The following PCBP3 variants were observed in gnomAD, a reference collection of about 807,000 sequenced individuals.
PCBP3 encodes poly(rC)-binding protein 3.
Under a neutral mutation model 52.7 loss-of-function variants are expected in PCBP3, and 25 were observed. The observed-to-expected ratio is 0.47, with a 90% CI of 0.35 to 0.66. The LOEUF (loss-of-function observed/expected upper bound fraction) is 0.66. PCBP3 is among the 30% of genes least tolerant of loss of function. The pLI, the probability that PCBP3 is intolerant of heterozygous loss-of-function variation, is 0.01. For synonymous variants in PCBP3, 162 were observed against 183.0 expected (o/e 0.89, Z 0.93); for missense variants, 391 against 490.3 (o/e 0.80, Z 1.91).
intron 1 of PCBP3, among the ~76,000 whole-genome samples, chr21:45,650,916 G>A (rs191147673): frequency 6.6e-6 from 1 of 152,272 alleles, no homozygotes; most frequent in Non-Finnish European, 1.5e-5. Flanking sequence ...AATTTCAGAT[G>A]GGGCGGGGTG....
intron 13 of PCBP3, among the ~76,000 whole-genome samples, chr21:45,920,443 T>G (rs1338210801): frequency 6.6e-6 from 1 of 152,228 alleles, no homozygotes; most frequent in African/African-American, 2.4e-5. Flanking sequence ...TTGTGCAGAT[T>G]GTTTCAAATT....
intron 4 of PCBP3, among the ~76,000 whole-genome samples, chr21:45,797,705 C>CGT (rs2092023553): frequency 6.3e-3 from 9 of 1,420 alleles, no homozygotes; most frequent in Admixed American, 0.015. Flanking sequence ...TGCATGGATC[C>CGT]ACAGAGAGTG....
In PCBP3 at chr21:45,837,544, T is replaced by C. The variant is rs961760133; in HGVS notation, c.-125-12417T>C. On this transcript the variant is annotated intron_variant, in intron 4 of 17. Transcript: ENST00000681687. This position sits in a 1 kb window ranked among gnomAD's most constrained non-coding sequence, Gnocchi z 4.1. ...GGCGGTTTCATGTCGAAGGCCTACC[T>C]GTAGCCCTGGGTTGTCTGCCTCTTG... Among the ~76,000 whole-genome samples the C allele has an allele frequency of 1.1e-4, 17 of 152,284 alleles. No individual in the cohort carries two copies. The highest frequency in any genetic ancestry group is 3.8e-4 in the African/African-American group (16 of 41,576).
intron 1 of PCBP3, among the ~76,000 whole-genome samples, chr21:45,663,608 A>G: frequency 6.6e-6 from 1 of 152,132 alleles, no homozygotes; most frequent in East Asian, 1.9e-4. Flanking sequence ...ATGGCTATCC[A>G]GTTTTCCTAG....
At chr21:45,935,395 CCA>C (rs750054115) in intron 16 of PCBP3, 90 bp downstream of exon 16, 2 of 919,794 alleles carry the variant, frequency 2.2e-6, no homozygotes, top group Admixed American at 3.9e-5. Flanking sequence ...GCAGAGGGAC[CCA>C]CTGCTTGGTA....
chr21:45,861,350 T>C (rs1173752516), intron 5 of PCBP3, among the ~76,000 whole-genome samples: 1 of 152,140 alleles, frequency 6.6e-6, no homozygotes, highest in Non-Finnish European at 1.5e-5. Flanking sequence ...AGGCTGTTTG[T>C]GAACACCACA....
At chr21:45,811,056 G>A (rs1293354715) in intron 4 of PCBP3, among the ~76,000 whole-genome samples, 2 of 151,896 alleles carry the variant, frequency 1.3e-5, no homozygotes, top group South Asian at 2.1e-4. Flanking sequence ...CTTGGTCTAG[G>A]TGTTTTTCCA....
intron 4 of PCBP3, among the ~76,000 whole-genome samples, chr21:45,847,728 C>CT (rs2093846110): frequency 2.0e-5 from 3 of 152,190 alleles, no homozygotes; most frequent in Admixed American, 6.5e-5. Flanking sequence ...ATAAGCTGGT[C>CT]TTTTTGCCTG....
chr21:45,783,704 C>T (rs1888537), intron 4 of PCBP3, among the ~76,000 whole-genome samples: 73,187 of 152,050 alleles, frequency 0.48, 18,405 homozygotes, highest in African/African-American at 0.61. Flanking sequence ...GGAAAGATGG[C>T]CCTGTGCTCT....
rs186765091 is a variant in PCBP3 at position 45,939,927 on chromosome 21, A to G, written c.910-103A>G. The G allele has an allele frequency of 3.9e-4, 416 of 1,058,854 alleles. 3 individuals are homozygous for G. The African/African-American group carries it at 5.8e-3, about 15-fold the overall frequency. 65.6% of individuals were successfully genotyped at this position (1,058,854 alleles called of 1,614,324 possible). A position where few individuals can be genotyped will look rare whatever the true frequency, so the allele number is the denominator to read the frequency against. On this transcript the variant is annotated intron_variant, in intron 16 of 17. Coordinates refer to ENST00000681687, the MANE Select transcript of PCBP3 (RefSeq NM_001384156.1). Reference sequence around the variant, plus strand: ...AGCTCAGGTCTTGGGGCAGAGTCCAAGGCTGGCGGCCCGTCCCACCGGCCC... The same window carrying G: ...AGCTCAGGTCTTGGGGCAGAGTCCAGGGCTGGCGGCCCGTCCCACCGGCCC...
intron 13 of PCBP3, among the ~76,000 whole-genome samples, chr21:45,929,583 C>G (rs1046176723): frequency 1.7e-4 from 26 of 152,364 alleles, no homozygotes; most frequent in African/African-American, 6.0e-4. Context: ...TGGACTCCCC[C>G]AGACTCTCCA....
chr21:45,758,937 T>C (rs889268756), intron 4 of PCBP3, among the ~76,000 whole-genome samples: 34 of 152,370 alleles, frequency 2.2e-4, no homozygotes, highest in African/African-American at 7.9e-4. Context: ...ACATATTTTA[T>C]CTACATCAAT....
intron 15 of PCBP3, among the ~76,000 whole-genome samples, chr21:45,932,790 C>T (rs531819824): frequency 1.2e-4 from 17 of 145,484 alleles, no homozygotes; most frequent in East Asian, 2.2e-4. Flanking sequence ...TCAGCCATGC[C>T]GTCCCGAGAT....
At chr21:45,722,368 A>G (rs967260310) in intron 2 of PCBP3, among the ~76,000 whole-genome samples, 1 of 152,206 alleles carries the variant, frequency 6.6e-6, no homozygotes, top group African/African-American at 2.4e-5. Flanking sequence ...TCACTCTGCT[A>G]TTTGTTTTCA....
chr21:45,846,141 T>C (rs1490723352), intron 4 of PCBP3, among the ~76,000 whole-genome samples: 1 of 152,230 alleles, frequency 6.6e-6, no homozygotes, highest in African/African-American at 2.4e-5. Context: ...AATGTGTCGT[T>C]CTGTCATGTC....
rs2095377542 is a variant in PCBP3, at chr21:45,880,583, C to T, written c.11-15625C>T. Among the ~76,000 whole-genome samples the T allele has an allele frequency of 6.6e-6, 1 of 152,216 alleles. No individual in the cohort carries two copies. The highest frequency in any genetic ancestry group is 2.4e-5 in the African/African-American group (1 of 41,452). On this transcript the variant is annotated intron_variant, in intron 5 of 17. Coordinates refer to ENST00000681687, the MANE Select transcript of PCBP3 (RefSeq NM_001384156.1). The surrounding 1 kb of genome is among the most constrained non-coding windows in gnomAD (Gnocchi z 5.4). ...TGTGAATCTGTCTAATCCTTAAATA[C>T]ATACTGCGCCCCCTTGTGGGCCAAG... is the stretch of plus-strand genomic sequence containing the variant.
chr21:45,723,916 G>A (rs149375191), intron 2 of PCBP3, among the ~76,000 whole-genome samples: 171 of 152,144 alleles, frequency 1.1e-3, no homozygotes, highest in Admixed American at 2.7e-3. Flanking sequence ...AATAGAAATG[G>A]TGATTACTGG....
chr21:45,745,530 T>A (rs903811828), intron 3 of PCBP3, among the ~76,000 whole-genome samples: 6 of 152,206 alleles, frequency 3.9e-5, no homozygotes, highest in African/African-American at 7.2e-5. Context: ...CCTCGTGTGT[T>A]CTAGCCTGTG....
Position 45,829,059 on chromosome 21 carries a change from G to C in PCBP3, c.-125-20902G>C, listed in dbSNP as rs901143076. 1.3e-5 allele frequency: 2 copies of C among 152,294 alleles called. No individual in the cohort carries two copies. Among genetic ancestry groups the C allele is most frequent in the Non-Finnish European group, 1.5e-5 (1 of 68,102 alleles). The allele number at this position is 152,294 out of a possible 1,614,324, so 9.4% of individuals were successfully genotyped here. ...ATTACTTCCCGGCCTCCTTATAATGGAAAGAGCTAGTGTAGGAGCTGGGAC... is the reference window on the plus strand; with the variant it reads ...ATTACTTCCCGGCCTCCTTATAATGCAAAGAGCTAGTGTAGGAGCTGGGAC... On this transcript the variant is annotated intron_variant, in intron 4 of 17. Coordinates refer to ENST00000681687, the MANE Select transcript of PCBP3 (RefSeq NM_001384156.1). The surrounding 1 kb of genome is among the most constrained non-coding windows in gnomAD (Gnocchi z 5.2).
Sources: gnomAD v4.1 joint callset for allele counts (sites outside exome capture counted in the v4.1 genomes callset) on GRCh38, gnomAD v4.1.1 for gene constraint, Gnocchi (gnomAD v3.1) non-coding constraint, MANE v1.5 for transcripts, NCBI Gene and HGNC (gene_info 2026-07-23, HGNC 2026-07-21) for gene names.